SPTBN1: variants seen among roughly 807,000 people sequenced by gnomAD.
SPTBN1 encodes the protein spectrin beta, non-erythrocytic 1.
SPTBN1 carries 32 observed loss-of-function variants against 266.4 expected under a neutral mutation model. That is an observed-to-expected ratio of 0.12 (90% confidence interval 0.09 to 0.16). SPTBN1 has a LOEUF of 0.16. Ranked by LOEUF, SPTBN1 falls within the 10% of genes least tolerant of loss-of-function variation. SPTBN1 has a pLI of 1.00. For synonymous variants in SPTBN1, 1,336 were observed against 1,162.2 expected (o/e 1.15, Z -3.04); for missense variants, 2,296 against 3,067.1 (o/e 0.75, Z 5.94).
intron 2 of SPTBN1, among the ~76,000 whole-genome samples, chr2:54,561,769 A>G (rs897258880): frequency 2.7e-5 from 4 of 148,872 alleles, no homozygotes; most frequent in African/African-American, 9.8e-5. Flanking sequence ...ATAGTTATAT[A>G]TAGTTTAAAA....
Position 54,645,871 on chromosome 2 carries a change from G to T in SPTBN1, c.4495-57G>T. 3 of 1,589,634 alleles carry T rather than the reference G, an allele frequency of 1.9e-6. No homozygotes were observed. The highest frequency in any genetic ancestry group is 8.6e-7 in the Non-Finnish European group (1 of 1,158,798). Reference sequence around the variant, plus strand: ...CCTCACTGCCCCTCACTGCTCGTTTGTGTCGTATATTTGTTCCTCTGAGTG... The same window carrying T: ...CCTCACTGCCCCTCACTGCTCGTTTTTGTCGTATATTTGTTCCTCTGAGTG... On this transcript the variant is annotated intron_variant, in intron 21 of 35. Coordinates refer to ENST00000356805, the MANE Select transcript of SPTBN1 (RefSeq NM_003128.3). This position sits in a 1 kb window ranked among gnomAD's most constrained non-coding sequence, Gnocchi z 4.3.
rs536058993 is a variant in SPTBN1, at chr2:54,653,503, G to C, written c.5578-106G>C. On this transcript the variant is annotated intron_variant, in intron 26 of 35. Transcript: ENST00000356805. This position sits in a 1 kb window ranked among gnomAD's most constrained non-coding sequence, Gnocchi z 5.1. ...CCTTAAGGGGCATGGGCCATATTTT[G>C]ACTCTGTGCTCCCTTTAGTGTATGA... 88 of 1,509,306 alleles carry C rather than the reference G, an allele frequency of 5.8e-5. 1 individual carries two copies. In the African/African-American group the frequency reaches 8.8e-4, roughly 15 times the overall value. The allele number at this position is 1,509,306 out of a possible 1,614,324, so 93.5% of individuals were successfully genotyped here.
rs1285419972 is a variant in SPTBN1 at position 54,664,463 on chromosome 2, C to T, written c.6431C>T (p.Thr2144Met). The T allele has an allele frequency of 9.9e-6, 16 of 1,611,106 alleles. No individual in the cohort carries two copies. Among genetic ancestry groups the T allele is most frequent in the South Asian group, 7.7e-5 (7 of 91,040 alleles). ...AEQGSPRMAETVDTSEMVNGA... is the reference protein window; with the variant it reads ...AEQGSPRMAEMVDTSEMVNGA... ...CTCCGCTGTCCCTAGATGGCAGAAA[C>T]GGTGGACACAAGCGAAATGGTCAAC... Residue 2144 changes from threonine to methionine, a missense_variant, in exon 33 of 36, where the codon ACG becomes ATG. Thr to Met is a moderately conservative substitution (Grantham distance 81). This residue lies in a region of SPTBN1 where 347 missense variants were observed against 368.5 expected (regional missense o/e 0.94). Coordinates refer to ENST00000356805, the MANE Select transcript of SPTBN1 (RefSeq NM_003128.3). The surrounding 1 kb of genome is among the most constrained non-coding windows in gnomAD (Gnocchi z 5.6).
chr2:54,623,342 C>G, intron 9 of SPTBN1, 137 bp from the exon 10 acceptor site: 1 of 715,498 alleles, frequency 1.4e-6, no homozygotes, highest in Non-Finnish European at 2.4e-6. Context: ...TTTGTAATAG[C>G]CAATAAGCAA....
chr2:54,622,429 G>A lies in SPTBN1; in HGVS notation c.1006G>A (p.Gly336Arg). The A allele has an allele frequency of 6.2e-7, 1 of 1,614,142 alleles. No individual in the cohort carries two copies. The highest frequency in any genetic ancestry group is 8.5e-7 in the Non-Finnish European group (1 of 1,180,022). Residue 336 changes from glycine to arginine, a missense_variant, in exon 9 of 36, where the codon GGG becomes AGG. Transcript: ENST00000356805. ...TCGCAAATTTGCCAATTCACTGGTC[G>A]GGGTTCAACAGCAGCTTCAGGCATT... ...NNRKFANSLV[G>R]VQQQLQAFNT...
At chr2:54,661,988 G>A (rs751027668) in intron 32 of SPTBN1, 599 of 985,294 alleles carry the variant, frequency 6.1e-4, no homozygotes, top group Non-Finnish European at 6.9e-4. Context: ...GAGTGATGAC[G>A]CAGAGACTCA....
In SPTBN1 at chr2:54,557,033, A is replaced by G. The variant is rs114681228; in HGVS notation, c.148+30467A>G. ...ACTTAGGGGCTTTAAAAAATGTTCT[A>G]CATCTTAGATGATAAGAAATGTTGT... On this transcript the variant is annotated intron_variant, in intron 2 of 35. Coordinates refer to ENST00000356805, the MANE Select transcript of SPTBN1 (RefSeq NM_003128.3). Among the ~76,000 whole-genome samples, 605 of 152,304 alleles carry G rather than the reference A, an allele frequency of 4.0e-3. 5 individuals carry two copies. The highest frequency in any genetic ancestry group is 4.5e-3 in the Non-Finnish European group (306 of 68,024).
chr2:54,512,672 C>T (rs1281353247), intron 1 of SPTBN1, among the ~76,000 whole-genome samples: 1 of 152,132 alleles, frequency 6.6e-6, no homozygotes, highest in African/African-American at 2.4e-5. Flanking sequence ...TTATAACTTA[C>T]AAATTTATAA....
chr2:54,599,311 C>G lies in SPTBN1; in HGVS notation c.300+68C>G, dbSNP rs543339457. 2.5e-4 allele frequency: 387 copies of G among 1,569,328 alleles called. 3 individuals are homozygous for G. In the South Asian group the frequency reaches 4.2e-3, roughly 17 times the overall value. ...AATATTTTTGAAAAATCAAGTGTGA[C>G]TTGTCTCCTGTTGAATTCTGCACTT... is the stretch of plus-strand genomic sequence containing the variant. On this transcript the variant is annotated intron_variant, in intron 3 of 35. Transcript: ENST00000356805.
chr2:54,458,353 G>A (rs749605949), intron 1 of SPTBN1, among the ~76,000 whole-genome samples: 1 of 151,854 alleles, frequency 6.6e-6, no homozygotes, highest in South Asian at 2.1e-4. Context: ...TGTTTTCATC[G>A]TTTGCTTTTT....
intron 1 of SPTBN1, among the ~76,000 whole-genome samples, chr2:54,517,848 G>C: frequency 6.6e-6 from 1 of 151,702 alleles, no homozygotes; most frequent in East Asian, 1.9e-4. Context: ...GTTTCACCAT[G>C]TTAGCCAGGC....
intron 1 of SPTBN1, chr2:54,516,428 T>G (rs1670112701): frequency 6.6e-6 from 1 of 152,204 alleles, no homozygotes; most frequent in African/African-American, 2.4e-5. Context: ...GTTGTGTTCT[T>G]ATGGTACAAG....
At chr2:54,598,693 T>C (rs922040934) in intron 2 of SPTBN1, among the ~76,000 whole-genome samples, 1 of 152,142 alleles carries the variant, frequency 6.6e-6, no homozygotes, top group African/African-American at 2.4e-5. Flanking sequence ...AGTATTATGG[T>C]ATAGGGCAGG....
chr2:54,501,638 C>T (rs1460588942), intron 1 of SPTBN1, among the ~76,000 whole-genome samples: 1 of 152,180 alleles, frequency 6.6e-6, no homozygotes, highest in Non-Finnish European at 1.5e-5. Context: ...TCCACCTCTT[C>T]GTGTTTTGGA....
At chr2:54,510,406 A>G (rs946071934) in intron 1 of SPTBN1, among the ~76,000 whole-genome samples, 3 of 152,204 alleles carry the variant, frequency 2.0e-5, no homozygotes, top group Non-Finnish European at 2.9e-5. Context: ...GGTGAGCACA[A>G]TTTGGTCCAT....
At chr2:54,568,793 A>C (rs1673848322) in intron 2 of SPTBN1, among the ~76,000 whole-genome samples, 2 of 152,232 alleles carry the variant, frequency 1.3e-5, no homozygotes, top group East Asian at 3.8e-4. Flanking sequence ...GGAAGTAGAA[A>C]TTTATGAGTC....
Position 54,655,156 on chromosome 2 carries a change from G to T in SPTBN1, c.5909G>T (p.Cys1970Phe), listed in dbSNP as rs1382428479. The T allele has an allele frequency of 6.2e-7, 1 of 1,614,194 alleles. No individual in the cohort carries two copies. The highest frequency in any genetic ancestry group is 8.5e-7 in the Non-Finnish European group (1 of 1,180,024). ...IDARNDSFTT[C>F]IELGKSLLAR... Reference sequence around the variant, plus strand: ...GCACGTAATGACAGTTTCACAACCTGCATTGAACTTGGGAAATCCCTGTTG... The same window carrying T: ...GCACGTAATGACAGTTTCACAACCTTCATTGAACTTGGGAAATCCCTGTTG... Residue 1970 changes from cysteine to phenylalanine, a missense_variant, in exon 28 of 36, where the codon TGC (cysteine) becomes TTC (phenylalanine). Around this residue, in one of 12 missense-constraint regions of SPTBN1, gnomAD observed 644 missense variants for 745.3 expected, o/e 0.86. Coordinates refer to ENST00000356805, the MANE Select transcript of SPTBN1 (RefSeq NM_003128.3).
chr2:54,666,008 C>T lies in SPTBN1; in HGVS notation c.6753C>T (p.Ser2251=), dbSNP rs186610653. The change falls in exon 34 of 36, where the codon AGC becomes AGT. Residue 2251 remains serine (S), a synonymous_variant. Transcript: ENST00000356805. ...CTGCTTCTGGAATTCCCTACCACAGCGAGGTCCCTGTGAGTTTGAAAGAAG... is the reference window on the plus strand; with the variant it reads ...CTGCTTCTGGAATTCCCTACCACAGTGAGGTCCCTGTGAGTTTGAAAGAAG... The part of the protein sequence containing the change: ...KTAASGIPYH[S]EVPVSLKEAV... 12 of 1,614,082 alleles carry T rather than the reference C, an allele frequency of 7.4e-6. No homozygotes were observed. The East Asian group carries it at 1.3e-4, about 18-fold the overall frequency.
chr2:54,492,258 C>CT (rs1282433293), intron 1 of SPTBN1, among the ~76,000 whole-genome samples: 5 of 149,514 alleles, frequency 3.3e-5, no homozygotes, highest in African/African-American at 9.9e-5. Context: ...TTTGAAAACA[C>CT]TTTTTATGGC....
Sources: gnomAD v4.1 joint callset for allele counts (sites outside exome capture counted in the v4.1 genomes callset) on GRCh38, gnomAD v4.1.1 for gene constraint, gnomAD v4.1.1 regional missense constraint, Gnocchi (gnomAD v3.1) non-coding constraint, MANE v1.5 for transcripts, NCBI Gene and HGNC (gene_info 2026-07-23, HGNC 2026-07-21) for gene names.